Variants in TTC27 observed in about 807,000 individuals in gnomAD.
TTC27 encodes the protein tetratricopeptide repeat domain 27.
TTC27 carries 79 observed loss-of-function variants against 115.9 expected under a neutral mutation model. The ratio of observed to expected loss-of-function variants is 0.68; its 90% confidence interval spans 0.57 to 0.82. TTC27 has a LOEUF of 0.82. Among genes scored for constraint, TTC27 ranks in the 40% least tolerant of loss-of-function variants. TTC27 has a pLI of 0.00. For synonymous variants in TTC27, 401 were observed against 356.0 expected, an observed-to-expected ratio of 1.13 and a Z score of -1.42; for missense variants, 1,054 against 993.1, an observed-to-expected ratio of 1.06 and a Z score of -0.82.
chr2:32,781,058 T>G (rs1424903848), intron 14 of TTC27, among the ~76,000 whole-genome samples: 1 of 152,136 alleles, frequency 6.6e-6, no homozygotes, highest in Non-Finnish European at 1.5e-5. Flanking sequence ...GCACTTACAG[T>G]AAGGGTTTGG....
Position 32,820,938 on chromosome 2 carries a change from AT to A in TTC27, c.*2del, listed in dbSNP as rs753729308. The A allele has an allele frequency of 2.7e-5, 40 of 1,497,180 alleles. No individual in the cohort carries two copies. In the Admixed American group the frequency reaches 8.1e-4, roughly 30 times the overall value. 92.7% of individuals were successfully genotyped at this position (1,497,180 alleles called of 1,614,324 possible). A position where few individuals can be genotyped will look rare whatever the true frequency, so the allele number is the denominator to read the frequency against. The stretch of plus-strand genomic sequence containing the variant: ...GCAACCAGTTTCGAAATCAGTATTG[AT>A]TCTGCTGGAAGCAGATTCTGGAAAA... On this transcript the variant is annotated 3_prime_UTR_variant, in exon 20 of 20. Transcript: ENST00000317907.
intron 16 of TTC27, among the ~76,000 whole-genome samples, chr2:32,806,765 C>T (rs987566778): frequency 5.9e-5 from 9 of 151,406 alleles, no homozygotes; most frequent in Admixed American, 1.3e-4. Flanking sequence ...TGACCGACAG[C>T]GAGACTTTGT....
Position 32,628,162 on chromosome 2 carries a change from C to T in TTC27, c.-131C>T, listed in dbSNP as rs2063523215. On this transcript the variant is annotated 5_prime_UTR_variant, in exon 1 of 20. Transcript: ENST00000317907. Reference sequence around the variant, plus strand: ...GTATCCGCACATGGAATTCTAGGGCCGCAGGTGTATTTACGGTAACTGTCG... The same window carrying T: ...GTATCCGCACATGGAATTCTAGGGCTGCAGGTGTATTTACGGTAACTGTCG... The T allele has an allele frequency of 3.7e-6, 3 of 805,976 alleles. No homozygotes were observed. Among genetic ancestry groups the T allele is most frequent in the East Asian group, 2.8e-5 (1 of 35,136 alleles). The allele number at this position is 805,976 out of a possible 1,614,324, so 49.9% of individuals were successfully genotyped here.
intron 14 of TTC27, among the ~76,000 whole-genome samples, chr2:32,779,742 T>C (rs1362952911): frequency 6.6e-6 from 1 of 152,224 alleles, no homozygotes; most frequent in African/African-American, 2.4e-5. Flanking sequence ...CACAAAGATG[T>C]ACTCCTATCT....
intron 15 of TTC27, 82 bp from the exon 16 acceptor site, chr2:32,786,902 A>G: frequency 8.4e-7 from 1 of 1,189,136 alleles, no homozygotes; most frequent in South Asian, 1.6e-5. Flanking sequence ...AGTCCACATT[A>G]GTATTTTATA....
chr2:32,699,197 T>C (rs77792062), intron 9 of TTC27, among the ~76,000 whole-genome samples: 3,440 of 152,266 alleles, frequency 0.023, 126 homozygotes, highest in African/African-American at 0.079. Context: ...GGAACCAAAC[T>C]AGATGCAGTT....
chr2:32,787,125 A>C lies in TTC27; in HGVS notation c.1974A>C (p.Leu658Phe), dbSNP rs760484835. The change falls in exon 16 of 20, where the codon TTA becomes TTC. Residue 658 changes from leucine (L) to phenylalanine (F), a missense_variant. Physicochemically the swap from Leu to Phe is conservative, Grantham distance 22. Transcript: ENST00000317907. ...AAGCTTATCACCGGCTCTTGGACTT[A>C]CGTGACAAATACAAAGATGTTCAGG... ...AIKAYHRLLD[L>F]RDKYKDVQVL... 6.2e-7 allele frequency: 1 copy of C among 1,612,968 alleles called. No homozygotes were observed. Among genetic ancestry groups the C allele is most frequent in the South Asian group, 1.1e-5 (1 of 90,620 alleles).
intron 13 of TTC27, among the ~76,000 whole-genome samples, chr2:32,775,865 G>A (rs1669981602): frequency 6.6e-6 from 1 of 152,140 alleles, no homozygotes; most frequent in South Asian, 2.1e-4. Context: ...TTTTTACTTG[G>A]TTGGAGTTTA....
intron 7 of TTC27, among the ~76,000 whole-genome samples, chr2:32,671,217 C>G (rs1274632016): frequency 1.3e-5 from 2 of 151,476 alleles, no homozygotes; most frequent in African/African-American, 4.9e-5. Flanking sequence ...GTTTTTTTAG[C>G]TTTAGCTTGT....
intron 3 of TTC27, among the ~76,000 whole-genome samples, chr2:32,637,122 C>A (rs1664457336): frequency 1.3e-5 from 2 of 152,202 alleles, no homozygotes; most frequent in Non-Finnish European, 2.9e-5. Context: ...TTTGTACTCA[C>A]AACCTAGCTT....
chr2:32,693,322 C>G (rs1421707844), intron 9 of TTC27, among the ~76,000 whole-genome samples: 1 of 152,118 alleles, frequency 6.6e-6, no homozygotes, highest in African/African-American at 2.4e-5. Flanking sequence ...AATTGGGGTC[C>G]CTGGACCAGC....
At chr2:32,712,306 C>T (rs972774348) in intron 10 of TTC27, among the ~76,000 whole-genome samples, 2 of 152,208 alleles carry the variant, frequency 1.3e-5, no homozygotes, top group Non-Finnish European at 2.9e-5. Context: ...AACACCCTGT[C>T]TTCTGAAATT....
At chr2:32,761,840 C>T (rs1669447461) in intron 13 of TTC27, among the ~76,000 whole-genome samples, 2 of 152,052 alleles carry the variant, frequency 1.3e-5, no homozygotes, top group Admixed American at 1.3e-4. Context: ...AATGTAAGGC[C>T]TATTAAAGTG....
At chr2:32,804,843 A>G (rs1558353043) in intron 16 of TTC27, among the ~76,000 whole-genome samples, 1 of 152,066 alleles carries the variant, frequency 6.6e-6, no homozygotes, top group African/African-American at 2.4e-5. Flanking sequence ...TGGCCGATGA[A>G]CCCAATAAGA....
chr2:32,676,137 GAT>G (rs1209758242), intron 8 of TTC27, among the ~76,000 whole-genome samples: 1 of 151,958 alleles, frequency 6.6e-6, no homozygotes, highest in Non-Finnish European at 1.5e-5. Flanking sequence ...CAACAGTGGG[GAT>G]AGCTTCAGGC....
intron 5 of TTC27, among the ~76,000 whole-genome samples, chr2:32,659,132 T>C (rs1355699563): frequency 2.0e-5 from 3 of 152,122 alleles, no homozygotes; most frequent in South Asian, 2.1e-4. Flanking sequence ...GCCTGACTAA[T>C]ATTTTTATTT....
At chr2:32,751,020 A>C (rs3769579) in intron 12 of TTC27, among the ~76,000 whole-genome samples, 5 of 152,106 alleles carry the variant, frequency 3.3e-5, no homozygotes, top group African/African-American at 1.2e-4. Context: ...TAGGACAAGC[A>C]TACTTCTCTC....
chr2:32,640,433 T>A, intron 4 of TTC27, 23 bp downstream of exon 4: 1 of 1,610,396 alleles, frequency 6.2e-7, no homozygotes, highest in Non-Finnish European at 8.5e-7. Context: ...TCCATGAGAT[T>A]CATACCCTGG....
chr2:32,734,138 T>C (rs1572560301), intron 11 of TTC27, among the ~76,000 whole-genome samples: 1 of 152,228 alleles, frequency 6.6e-6, no homozygotes, highest in East Asian at 1.9e-4. Context: ...TTTAAAATCT[T>C]ATGAAATAGA....
Sources: allele counts gnomAD v4.1 joint callset (sites outside exome capture counted in the v4.1 genomes callset), GRCh38; gene constraint gnomAD v4.1.1; transcripts MANE v1.5; gene names NCBI Gene and HGNC (gene_info 2026-07-23, HGNC 2026-07-21).